The following ENPP2 variants were observed in gnomAD, a reference collection of about 807,000 sequenced individuals.
ENPP2 encodes autotaxin.
In ENPP2, 51 loss-of-function variants were observed where a neutral mutation model predicts 120.2. That is an observed-to-expected ratio of 0.42 (90% confidence interval 0.34 to 0.54). ENPP2 has a LOEUF of 0.54. Among genes scored for constraint, ENPP2 ranks in the 20% least tolerant of loss-of-function variants. The pLI, the probability that ENPP2 is intolerant of heterozygous loss-of-function variation, is 0.04. For synonymous variants in ENPP2, 365 were observed against 366.4 expected (o/e 1.00, Z 0.04); for missense variants, 920 against 1,066.5 (o/e 0.86, Z 1.91).
intron 19 of ENPP2, among the ~76,000 whole-genome samples, chr8:119,574,528 A>C (rs2130177236): frequency 6.6e-6 from 1 of 152,004 alleles, no homozygotes; most frequent in South Asian, 2.1e-4. Context: ...TCCTCCAGAT[A>C]CCACACTTGG....
At chr8:119,608,775 T>C (rs59579289) in intron 8 of ENPP2, among the ~76,000 whole-genome samples, 2 of 152,178 alleles carry the variant, frequency 1.3e-5, no homozygotes, top group African/African-American at 4.8e-5. Flanking sequence ...ATCTAGCATA[T>C]AGGATTATTC....
intron 1 of ENPP2, among the ~76,000 whole-genome samples, chr8:119,662,213 G>T (rs1368845): frequency 0.31 from 47,586 of 151,828 alleles, 7,852 homozygotes; most frequent in East Asian, 0.5. Flanking sequence ...AGGATGTGAG[G>T]TGATAAACTA....
intron 2 of ENPP2, among the ~76,000 whole-genome samples, chr8:119,632,059 T>A (rs1184234380): frequency 6.6e-6 from 1 of 152,238 alleles, no homozygotes; most frequent in African/African-American, 2.4e-5. Context: ...TTTTTAGGAC[T>A]TCTCTCTTTA....
Position 119,664,311 on chromosome 8 carries a change from C to T in ENPP2, c.21+8941G>A, listed in dbSNP as rs111332204. On this transcript the variant is annotated intron_variant, in intron 1 of 25. Transcript: ENST00000427067. Reference sequence around the variant, plus strand: ...CAGGAGATCCATGTTTGAGTTTCAGCGCTACCACTTCCAAGCTGTGCAGCC... The same window carrying T: ...CAGGAGATCCATGTTTGAGTTTCAGTGCTACCACTTCCAAGCTGTGCAGCC... Among the ~76,000 whole-genome samples the T allele has an allele frequency of 3.2e-3, 488 of 152,266 alleles. 3 individuals carry two copies. The highest frequency in any genetic ancestry group is 0.011 in the African/African-American group (458 of 41,560).
rs1813838733 is a variant in ENPP2 at position 119,595,736 on chromosome 8, C to A, written c.973-1876G>T. 4 of 1,001,614 alleles carry A rather than the reference C, an allele frequency of 4.0e-6. No individual in the cohort carries two copies. The Admixed American group carries it at 7.8e-5, about 19-fold the overall frequency. The allele number at this position is 1,001,614 out of a possible 1,614,324, so 62.0% of individuals were successfully genotyped here. ...TCTGGACTCAAAGCCAAGGTCAATG[C>A]ACCAGAGTTTTTCTAAAACTTGCTC... On this transcript the variant is annotated intron_variant, in intron 11 of 24. Coordinates refer to ENST00000075322, the MANE Select transcript of ENPP2 (RefSeq NM_001040092.3).
chr8:119,577,908 G>T (rs1036988682), intron 19 of ENPP2, among the ~76,000 whole-genome samples: 2 of 152,148 alleles, frequency 1.3e-5, no homozygotes, highest in Non-Finnish European at 2.9e-5. Context: ...AGAAACTCAC[G>T]TTCCACTCAG....
intron 5 of ENPP2, chr8:119,618,391 C>T (rs2130717856): frequency 2.2e-6 from 1 of 464,560 alleles, no homozygotes; most frequent in Admixed American, 2.3e-5. Flanking sequence ...TTGACCCAGC[C>T]ACCTGTTTGC....
chr8:119,633,466 AG>A (rs1816803885), intron 2 of ENPP2, among the ~76,000 whole-genome samples: 2 of 151,102 alleles, frequency 1.3e-5, no homozygotes, highest in Non-Finnish European at 2.9e-5. Flanking sequence ...TTTTCTCAAG[AG>A]CGTTAAAACA....
chr8:119,651,903 G>C (rs749309494), intron 1 of ENPP2, among the ~76,000 whole-genome samples: 4 of 152,180 alleles, frequency 2.6e-5, no homozygotes, highest in Non-Finnish European at 5.9e-5. Flanking sequence ...AGCATCCACT[G>C]CAGTATTAGC....
chr8:119,627,888 A>G (rs1587524316), intron 2 of ENPP2, among the ~76,000 whole-genome samples: 1 of 140,320 alleles, frequency 7.1e-6, no homozygotes, highest in African/African-American at 2.7e-5. Context: ...ATATATATAT[A>G]TGATCTAATT....
In ENPP2 at chr8:119,590,592, T is replaced by G. The variant is rs1484228542; in HGVS notation, c.1120A>C (p.Ser374Arg). 1 of 1,591,798 alleles carries G rather than the reference T, an allele frequency of 6.3e-7. No individual in the cohort carries two copies. Among genetic ancestry groups the G allele is most frequent in the South Asian group, 1.1e-5 (1 of 87,504 alleles). Residue 374 changes from serine to arginine, a missense_variant, in exon 13 of 25, where the codon AGT becomes CGT. By Grantham distance (110) the Ser-to-Arg change is moderately radical. Coordinates refer to ENST00000075322, the MANE Select transcript of ENPP2 (RefSeq NM_001040092.3). Reference protein sequence around the residue: ...DVTCDRTEFLSNYLTNVDDIT... With the variant: ...DVTCDRTEFLRNYLTNVDDIT... ...TCATCCACATTAGTTAGGTAATTAC[T>G]CAAGAACTCAGTTCTATCACATGTG...
intron 3 of ENPP2, among the ~76,000 whole-genome samples, chr8:119,622,581 G>A (rs1254155160): frequency 6.6e-6 from 1 of 152,156 alleles, no homozygotes; most frequent in Non-Finnish European, 1.5e-5. Context: ...TAAGCGCCAT[G>A]GCAGGAAAAG....
intron 1 of ENPP2, among the ~76,000 whole-genome samples, chr8:119,667,862 C>A (rs754315470): frequency 1.3e-5 from 2 of 152,206 alleles, no homozygotes; most frequent in Non-Finnish European, 2.9e-5. Flanking sequence ...CAGTGTCATG[C>A]CATTCTGGCC....
chr8:119,608,543 A>C (rs1814879804), intron 8 of ENPP2, among the ~76,000 whole-genome samples: 1 of 152,248 alleles, frequency 6.6e-6, no homozygotes, highest in Non-Finnish European at 1.5e-5. Flanking sequence ...GAAAGTTCCT[A>C]GAATAAGTTA....
chr8:119,579,545 C>A (rs2875905), intron 19 of ENPP2, among the ~76,000 whole-genome samples: 89,372 of 151,848 alleles, frequency 0.59, 27,815 homozygotes, highest in African/African-American at 0.78. Context: ...CGAGAAACGC[C>A]TCTTAGTACA....
At chr8:119,659,547 T>A (rs898900844) in intron 1 of ENPP2, among the ~76,000 whole-genome samples, 1 of 152,170 alleles carries the variant, frequency 6.6e-6, no homozygotes, top group Non-Finnish European at 1.5e-5. Flanking sequence ...TTTGACTACA[T>A]CATATCCATC....
intron 1 of ENPP2, among the ~76,000 whole-genome samples, chr8:119,644,619 TATATATACAC>T (rs1400792487): frequency 1.1e-4 from 12 of 106,622 alleles, no homozygotes; most frequent in South Asian, 3.3e-4. Flanking sequence ...TATATATATA[TATATATACAC>T]ACACACACAC....
chr8:119,668,515 C>T (rs537529426), intron 1 of ENPP2, among the ~76,000 whole-genome samples: 7 of 149,492 alleles, frequency 4.7e-5, no homozygotes, highest in Non-Finnish European at 8.9e-5. Flanking sequence ...CTGCAACCTC[C>T]ACCTCCCGGT....
At chr8:119,605,693 C>G (rs1814674108) in intron 9 of ENPP2, among the ~76,000 whole-genome samples, 1 of 135,900 alleles carries the variant, frequency 7.4e-6, no homozygotes, top group Admixed American at 7.3e-5. Flanking sequence ...GTCTCGAACT[C>G]CTGACCTCAG....
Sources: gnomAD v4.1 joint callset for allele counts (sites outside exome capture counted in the v4.1 genomes callset) on GRCh38, gnomAD v4.1.1 for gene constraint, MANE v1.5 for transcripts, NCBI Gene and HGNC (gene_info 2026-07-23, HGNC 2026-07-21) for gene names.